Variants in WNT4 observed in about 807,000 individuals in gnomAD.
WNT4 encodes Wnt family member 4, also known as protein Wnt-4.
WNT4 carries 16 observed loss-of-function variants against 34.5 expected under a neutral mutation model. That is an observed-to-expected ratio of 0.46 (90% CI 0.31 to 0.70). The LOEUF is 0.70. Ranked by LOEUF, WNT4 falls within the 30% of genes least tolerant of loss-of-function variation. The pLI, the probability that WNT4 is intolerant of heterozygous loss-of-function variation, is 0.04. For missense variants in WNT4, 379 were observed against 495.9 expected (o/e 0.76, Z 2.24); for synonymous variants, 200 against 211.9 (o/e 0.94, Z 0.49).
At chr1:22,127,056 T>C (rs1006582655) in intron 2 of WNT4, 2 of 345,596 alleles carry the variant, frequency 5.8e-6, no homozygotes, top group Admixed American at 8.1e-5. Flanking sequence ...AAGAGGAATT[T>C]TACTAGGGAA....
At position 22,142,858 on chromosome 1, in the gene WNT4, G is replaced by A. The variant is rs1214139350; in HGVS notation, c.65C>T (p.Ala22Val). 8.3e-7 allele frequency: 1 copy of A among 1,211,098 alleles called. No homozygotes were observed. The highest frequency in any genetic ancestry group is 1.1e-6 in the Non-Finnish European group (1 of 946,622). The allele number at this position is 1,211,098 out of a possible 1,614,324, so 75.0% of individuals were successfully genotyped here. Residue 22 changes from alanine to valine, a missense_variant, in exon 1 of 5, where the codon GCG becomes GTG. Coordinates refer to ENST00000290167, the MANE Select transcript of WNT4 (RefSeq NM_030761.5). The surrounding 1 kb of genome is among the most constrained non-coding windows in gnomAD (Gnocchi z 6.0). ...LLVFAVFSAA[A>V]SNWLYLAKLS... ...CGGCCAGACTTACAGCCAGTTGCTC[G>A]CGGCGGCTGAGAAGACGGCGAAGAC...
At chr1:22,129,524 A>G (rs1645966000) in intron 2 of WNT4, 92 bp downstream of exon 2, 3 of 1,407,960 alleles carry the variant, frequency 2.1e-6, no homozygotes, top group Non-Finnish European at 2.9e-6. Flanking sequence ...ATGACCTGCA[A>G]TAGTCCCGTT....
chr1:22,135,715 G>A (rs1193425973), intron 1 of WNT4, among the ~76,000 whole-genome samples: 1 of 152,170 alleles, frequency 6.6e-6, no homozygotes, highest in Non-Finnish European at 1.5e-5. Context: ...AGACACTCAT[G>A]GTGGTTTGCA....
At position 22,139,167 on chromosome 1, in the gene WNT4, A is replaced by C. The variant is rs1192111978; in HGVS notation, c.77+3679T>G. On this transcript the variant is annotated intron_variant, in intron 1 of 4. Transcript: ENST00000290167. The surrounding 1 kb of genome is among the most constrained non-coding windows in gnomAD (Gnocchi z 4.6). ...CAGCCTGGGATAAACAGGGCTTGGG[A>C]GCAGCAGCCTGAAGGCCCGTTTTCT... Among the ~76,000 whole-genome samples, 1 of 152,084 alleles carries C rather than the reference A, an allele frequency of 6.6e-6. No homozygotes were observed. The highest frequency in any genetic ancestry group is 6.5e-5 in the Admixed American group (1 of 15,276).
At chr1:22,123,393 G>A (rs146683849) in intron 2 of WNT4, among the ~76,000 whole-genome samples, 5 of 152,240 alleles carry the variant, frequency 3.3e-5, no homozygotes, top group African/African-American at 9.6e-5. Context: ...TTCATCCACC[G>A]AGACTCCAGG....
chr1:22,131,083 G>T (rs1645980187), intron 1 of WNT4, among the ~76,000 whole-genome samples: 1 of 152,252 alleles, frequency 6.6e-6, no homozygotes, highest in Admixed American at 6.5e-5. Context: ...CTTGAACCTG[G>T]CATTTGCCTG....
chr1:22,136,245 C>G (rs904546207), intron 1 of WNT4, among the ~76,000 whole-genome samples: 1 of 152,146 alleles, frequency 6.6e-6, no homozygotes, highest in African/African-American at 2.4e-5. Context: ...GAGTGGGTAT[C>G]AAATTTAAGG....
In WNT4 at chr1:22,117,819, C is replaced by T. The variant is rs900247772; in HGVS notation, c.*2231G>A. On this transcript the variant is annotated 3_prime_UTR_variant, in exon 5 of 5. Coordinates refer to ENST00000290167, the MANE Select transcript of WNT4 (RefSeq NM_030761.5). ...AGCATCCAGCCTGGACCTACTGTTC[C>T]CTGGATGGGGAGAGTGGCTCAGCTC... 1 of 152,244 alleles carries T rather than the reference C, an allele frequency of 6.6e-6. No individual in the cohort carries two copies. The highest frequency in any genetic ancestry group is 2.4e-5 in the African/African-American group (1 of 41,450). 9.4% of individuals were successfully genotyped at this position (152,244 alleles called of 1,614,324 possible). A position where few individuals can be genotyped will look rare whatever the true frequency, so the allele number is the denominator to read the frequency against.
chr1:22,128,791 C>G (rs1570101426), intron 2 of WNT4, among the ~76,000 whole-genome samples: 1 of 151,978 alleles, frequency 6.6e-6, no homozygotes, highest in East Asian at 1.9e-4. Context: ...ACGATCTCAG[C>G]TCACTGCAAG....
chr1:22,130,059 C>T (rs1411669756), intron 1 of WNT4, among the ~76,000 whole-genome samples: 2 of 152,198 alleles, frequency 1.3e-5, no homozygotes, highest in African/African-American at 4.8e-5. Context: ...CTGCAAAAAG[C>T]CTCTATCTCA....
At position 22,142,820 on chromosome 1, in the gene WNT4, C is replaced by A; in HGVS notation, c.77+26G>T. On this transcript the variant is annotated intron_variant, in intron 1 of 4. Coordinates refer to ENST00000290167, the MANE Select transcript of WNT4 (RefSeq NM_030761.5). This position sits in a 1 kb window ranked among gnomAD's most constrained non-coding sequence, Gnocchi z 6.0. ...CCGGGGCCTGCCCCGCCCCGCCCCG[C>A]CCCGCTCGGCCCCGGCCAGACTTAC... is the stretch of plus-strand genomic sequence containing the variant. 1.7e-6 allele frequency: 2 copies of A among 1,172,194 alleles called. No homozygotes were observed. The highest frequency in any genetic ancestry group is 2.2e-6 in the Non-Finnish European group (2 of 925,320). The allele number at this position is 1,172,194 out of a possible 1,614,324, so 72.6% of individuals were successfully genotyped here. A position where few individuals can be genotyped will look rare whatever the true frequency, so the allele number is the denominator to read the frequency against.
In WNT4 at chr1:22,140,338, C is replaced by T; in HGVS notation, c.77+2508G>A. ...GACTTGGGCAGTTACCTCTGCGATC[C>T]CCAATCTTCTCATCTGTAACGGGAT... is the stretch of plus-strand genomic sequence containing the variant. On this transcript the variant is annotated intron_variant, in intron 1 of 4. Coordinates refer to ENST00000290167, the MANE Select transcript of WNT4 (RefSeq NM_030761.5). This position sits in a 1 kb window ranked among gnomAD's most constrained non-coding sequence, Gnocchi z 5.9. The T allele has an allele frequency of 2.3e-6, 2 of 888,876 alleles. No individual in the cohort carries two copies. The highest frequency in any genetic ancestry group is 2.4e-4 in the East Asian group (2 of 8,342). 55.1% of individuals were successfully genotyped at this position (888,876 alleles called of 1,614,324 possible).
rs1370518818 is a variant in WNT4, at chr1:22,129,854, G to A, written c.78-3C>T. 6.2e-7 allele frequency: 1 copy of A among 1,613,368 alleles called. No homozygotes were observed. Among genetic ancestry groups the A allele is most frequent in the East Asian group, 2.2e-5 (1 of 44,874 alleles). The stretch of plus-strand genomic sequence containing the variant: ...CCGACGACAGCTTGGCCAGGTACCT[G>A]GGGAGAGGGTGACACGTGATGCAGA... On this transcript the variant is annotated splice_polypyrimidine_tract_variant and splice_region_variant and intron_variant, in intron 1 of 4. Coordinates refer to ENST00000290167, the MANE Select transcript of WNT4 (RefSeq NM_030761.5).
intron 4 of WNT4, among the ~76,000 whole-genome samples, chr1:22,120,742 AAG>A (rs752886389): frequency 3.9e-5 from 6 of 152,184 alleles, no homozygotes; most frequent in African/African-American, 9.7e-5. Context: ...GAGTTGAAGA[AAG>A]AGAAGCACTA....
In WNT4 at chr1:22,139,293, C is replaced by CCAGT. The variant is rs1233842818; in HGVS notation, c.77+3549_77+3552dup. On this transcript the variant is annotated intron_variant, in intron 1 of 4. Coordinates refer to ENST00000290167, the MANE Select transcript of WNT4 (RefSeq NM_030761.5). The surrounding 1 kb of genome is among the most constrained non-coding windows in gnomAD (Gnocchi z 4.6). ...TGCCATTTCCATCAGCGTGCCTGGC[C>CCAGT]CAGTGCCAGCTTGCCACACGCATGG... Among the ~76,000 whole-genome samples the CCAGT allele has an allele frequency of 6.6e-6, 1 of 152,236 alleles. No homozygotes were observed. The highest frequency in any genetic ancestry group is 6.5e-5 in the Admixed American group (1 of 15,288).
At chr1:22,125,899 A>G (rs971071422) in intron 2 of WNT4, among the ~76,000 whole-genome samples, 1 of 152,232 alleles carries the variant, frequency 6.6e-6, no homozygotes, top group Non-Finnish European at 1.5e-5. Flanking sequence ...TTATCAGTTC[A>G]GTATTTAACG....
rs1200915495 is a variant in WNT4, at chr1:22,119,408, C to T, written c.*642G>A. 6.4e-6 allele frequency: 1 copy of T among 155,938 alleles called. No homozygotes were observed. Among genetic ancestry groups the T allele is most frequent in the African/African-American group, 2.4e-5 (1 of 41,418 alleles). 9.7% of individuals were successfully genotyped at this position (155,938 alleles called of 1,614,324 possible). Reference sequence around the variant, plus strand: ...CAGGCTGGGTTCTAGGGTGGGACTTCAGTCGTCTCTTGCTCTCATCTCCCT... The same window carrying T: ...CAGGCTGGGTTCTAGGGTGGGACTTTAGTCGTCTCTTGCTCTCATCTCCCT... On this transcript the variant is annotated 3_prime_UTR_variant, in exon 5 of 5. Transcript: ENST00000290167.
rs1408364501 is a variant in WNT4, at chr1:22,142,640, C to A, written c.77+206G>T. On this transcript the variant is annotated intron_variant, in intron 1 of 4. Transcript: ENST00000290167. The surrounding 1 kb of genome is among the most constrained non-coding windows in gnomAD (Gnocchi z 6.0). Reference sequence around the variant, plus strand: ...ACCCCTGACGCCTCTGGGCAGGGAGCCGGACCCGGGCAGGAGGGGACCCCG... The same window carrying A: ...ACCCCTGACGCCTCTGGGCAGGGAGACGGACCCGGGCAGGAGGGGACCCCG... Among the ~76,000 whole-genome samples, 2 of 151,876 alleles carry A rather than the reference C, an allele frequency of 1.3e-5. No individual in the cohort carries two copies. Among genetic ancestry groups the A allele is most frequent in the African/African-American group, 4.8e-5 (2 of 41,384 alleles).
At chr1:22,130,303 ATCT>A (rs544997052) in intron 1 of WNT4, among the ~76,000 whole-genome samples, 69 of 152,284 alleles carry the variant, frequency 4.5e-4, no homozygotes, top group African/African-American at 1.6e-3. Flanking sequence ...TCCTTGGCTG[ATCT>A]TCTGGCCACA....
Sources: gnomAD v4.1 joint callset for allele counts (sites outside exome capture counted in the v4.1 genomes callset) on GRCh38, gnomAD v4.1.1 for gene constraint, Gnocchi (gnomAD v3.1) non-coding constraint, MANE v1.5 for transcripts, NCBI Gene and HGNC (gene_info 2026-07-23, HGNC 2026-07-21) for gene names.